AKAP13: variants seen among roughly 807,000 people sequenced by gnomAD.
The protein encoded by AKAP13 is A-kinase anchor protein 13.
Under a neutral mutation model 264.5 loss-of-function variants are expected in AKAP13, and 80 were observed. The ratio of observed to expected loss-of-function variants is 0.30; its 90% CI spans 0.25 to 0.36. AKAP13 has a LOEUF of 0.36. AKAP13 is among the 10% of genes least tolerant of loss of function. The pLI, the probability that AKAP13 is intolerant of heterozygous loss-of-function variation, is 1.00. For synonymous variants in AKAP13, 1,380 were observed against 1,250.2 expected, an observed-to-expected ratio of 1.10 and a Z score of -2.19; for missense variants, 3,712 against 3,435.2, an observed-to-expected ratio of 1.08 and a Z score of -2.01.
At chr15:85,586,420 T>A (rs1300580689) in intron 8 of AKAP13, among the ~76,000 whole-genome samples, 1 of 152,136 alleles carries the variant, frequency 6.6e-6, no homozygotes, top group Non-Finnish European at 1.5e-5. Flanking sequence ...TTGGCCAGGC[T>A]GTTTTCGAAC....
rs139491200 is a variant in AKAP13 at position 85,665,372 on chromosome 15, C to T, written c.4992+617C>T. On this transcript the variant is annotated intron_variant, in intron 13 of 36. Transcript: ENST00000394518. ...CAATAGTAAACTGAATCTTGAAATA[C>T]GCTACATATCGTTATTAATTTTCCC... Among the ~76,000 whole-genome samples, 971 of 152,202 alleles carry T rather than the reference C, an allele frequency of 6.4e-3. 10 individuals are homozygous for T. Among genetic ancestry groups the T allele is most frequent in the African/African-American group, 0.021 (890 of 41,520 alleles).
rs2086471738 is a variant in AKAP13, at chr15:85,708,932, G to C, written c.5532+846G>C. On this transcript the variant is annotated intron_variant, in intron 18 of 36. Transcript: ENST00000394518. This position sits in a 1 kb window ranked among gnomAD's most constrained non-coding sequence, Gnocchi z 4.3. ...TCCCAGAGTCTCAGATTCTGGGGGA[G>C]AGTCCAGGAATTTGCATTTCTAGTA... 6.6e-6 allele frequency among the ~76,000 whole-genome samples: 1 copy of C among 152,186 alleles called. No individual in the cohort carries two copies. Among genetic ancestry groups the C allele is most frequent in the Non-Finnish European group, 1.5e-5 (1 of 68,020 alleles).
At chr15:85,691,367 G>T (rs2085276252) in intron 16 of AKAP13, among the ~76,000 whole-genome samples, 1 of 152,164 alleles carries the variant, frequency 6.6e-6, no homozygotes, top group South Asian at 2.1e-4. Context: ...TATCCCCATG[G>T]TCCTGGCCTC....
At position 85,718,776 on chromosome 15, in the gene AKAP13, T is replaced by C; in HGVS notation, c.6002-300T>C. On this transcript the variant is annotated intron_variant, in intron 22 of 36. Coordinates refer to ENST00000394518, the MANE Select transcript of AKAP13 (RefSeq NM_007200.5). This position sits in a 1 kb window ranked among gnomAD's most constrained non-coding sequence, Gnocchi z 4.9. ...TCAGCCAGGCGTGATGGCATGTACC[T>C]GCAGCCCCAGCTGCTCGAGAGGCTA... 2.9e-6 allele frequency: 1 copy of C among 342,170 alleles called. No homozygotes were observed. The highest frequency in any genetic ancestry group is 2.8e-5 in the South Asian group (1 of 35,892). The allele number at this position is 342,170 out of a possible 1,614,324, so 21.2% of individuals were successfully genotyped here. A position where few individuals can be genotyped will look rare whatever the true frequency, so the allele number is the denominator to read the frequency against.
intron 8 of AKAP13, among the ~76,000 whole-genome samples, chr15:85,604,096 TG>T (rs1210229666): frequency 3.9e-5 from 6 of 152,202 alleles, no homozygotes; most frequent in African/African-American, 7.2e-5. Context: ...GACAGTTTTT[TG>T]TTAAGTATTG....
intron 1 of AKAP13, among the ~76,000 whole-genome samples, chr15:85,441,217 GC>G (rs1405296254): frequency 6.8e-6 from 1 of 147,636 alleles, no homozygotes; most frequent in Non-Finnish European, 1.5e-5. Flanking sequence ...TTTTTTAATG[GC>G]CGTTCTGGTG....
At chr15:85,611,411 T>C (rs1324591348) in intron 8 of AKAP13, among the ~76,000 whole-genome samples, 3 of 152,220 alleles carry the variant, frequency 2.0e-5, no homozygotes, top group Non-Finnish European at 4.4e-5. Flanking sequence ...CTTTACCTAG[T>C]TGTTCAGGAC....
chr15:85,482,550 G>A (rs181753860), intron 1 of AKAP13, among the ~76,000 whole-genome samples: 3 of 152,286 alleles, frequency 2.0e-5, no homozygotes, highest in East Asian at 3.9e-4. Context: ...TATAGGGCAA[G>A]TCAGTTTTTA....
Position 85,579,879 on chromosome 15 carries a change from A to T in AKAP13, c.1811A>T (p.Tyr604Phe). ...AAGATTTCAGATGGATTAGAACCTT[A>T]TACTCTCTTAGCAGCAGGCATAGGT... ...KDKISDGLEPYTLLAAGIGEA... is the reference protein window; with the variant it reads ...KDKISDGLEPFTLLAAGIGEA... Residue 604 changes from tyrosine (Y) to phenylalanine (F), a missense_variant, in exon 7 of 37, where the codon TAT becomes TTT. Physicochemically the swap from Tyr to Phe is conservative, Grantham distance 22. Around this residue, in one of 3 missense-constraint regions of AKAP13, gnomAD observed 2,759 missense variants for 2,411.7 expected, o/e 1.14. Coordinates refer to ENST00000394518, the MANE Select transcript of AKAP13 (RefSeq NM_007200.5). The T allele has an allele frequency of 6.2e-7, 1 of 1,614,174 alleles. No homozygotes were observed.
intron 8 of AKAP13, among the ~76,000 whole-genome samples, chr15:85,602,701 C>A (rs372120465): frequency 6.6e-6 from 1 of 151,782 alleles, no homozygotes; most frequent in South Asian, 2.1e-4. Flanking sequence ...TGTTGGCCAG[C>A]CTGGTCTTGA....
intron 12 of AKAP13, among the ~76,000 whole-genome samples, chr15:85,662,088 G>A (rs541461752): frequency 2.6e-4 from 39 of 152,282 alleles, no homozygotes; most frequent in African/African-American, 9.4e-4. Context: ...GCAAGCCATA[G>A]GTAGTTGCCA....
chr15:85,603,711 C>G (rs538145233), intron 8 of AKAP13, among the ~76,000 whole-genome samples: 10 of 152,342 alleles, frequency 6.6e-5, no homozygotes, highest in South Asian at 2.1e-4. Flanking sequence ...TGTATTCACT[C>G]AATGTATTCT....
At chr15:85,380,974 C>G (rs2083388182) in intron 1 of AKAP13, among the ~76,000 whole-genome samples, 176 bp downstream of exon 1, 1 of 152,092 alleles carries the variant, frequency 6.6e-6, no homozygotes, top group African/African-American at 2.4e-5. Flanking sequence ...GGCGCCGGGA[C>G]CTCAGGTCTG....
chr15:85,457,305 A>G (rs957668725), intron 1 of AKAP13, among the ~76,000 whole-genome samples: 18 of 152,358 alleles, frequency 1.2e-4, no homozygotes, highest in African/African-American at 4.1e-4. Flanking sequence ...TCTTTGGAAG[A>G]TAAGAAATTA....
At chr15:85,666,994 A>G (rs375656610) in intron 13 of AKAP13, among the ~76,000 whole-genome samples, 2 of 152,190 alleles carry the variant, frequency 1.3e-5, no homozygotes, top group Non-Finnish European at 2.9e-5. Flanking sequence ...TTACGAAAGC[A>G]TTCTGGGATG....
chr15:85,447,360 A>C (rs2073936783), intron 1 of AKAP13, among the ~76,000 whole-genome samples: 1 of 151,284 alleles, frequency 6.6e-6, no homozygotes, highest in Admixed American at 6.6e-5. Flanking sequence ...TTTGATTTTT[A>C]ACTCCTTTTT....
chr15:85,677,208 A>G (rs894250742), intron 14 of AKAP13: 1 of 862,290 alleles, frequency 1.2e-6, no homozygotes, highest in Non-Finnish European at 1.4e-6. Flanking sequence ...AGCCTCTTGC[A>G]TGCCATCCTT....
intron 3 of AKAP13, among the ~76,000 whole-genome samples, chr15:85,528,959 C>A (rs999362445): frequency 1.3e-5 from 2 of 151,952 alleles, no homozygotes; most frequent in African/African-American, 4.8e-5. Context: ...TTTCTTGTTA[C>A]CAGGAAATTT....
intron 1 of AKAP13, among the ~76,000 whole-genome samples, chr15:85,424,005 T>G (rs1251196902): frequency 2.0e-5 from 3 of 152,220 alleles, no homozygotes; most frequent in Non-Finnish European, 2.9e-5. Context: ...TAAACCATGC[T>G]ATAAACAGAT....
Sources: gnomAD v4.1 joint callset for allele counts (sites outside exome capture counted in the v4.1 genomes callset) on GRCh38, gnomAD v4.1.1 for gene constraint, gnomAD v4.1.1 regional missense constraint, Gnocchi (gnomAD v3.1) non-coding constraint, MANE v1.5 for transcripts, NCBI Gene and HGNC (gene_info 2026-07-23, HGNC 2026-07-21) for gene names.